DCTN5: variants seen among roughly 807,000 people sequenced by gnomAD.
DCTN5 encodes the protein dynactin 4.
A neutral mutation model predicts 23.5 loss-of-function variants in DCTN5; 14 were observed. The ratio of observed to expected loss-of-function variants is 0.60; its 90% CI spans 0.39 to 0.93. The LOEUF (loss-of-function observed/expected upper bound fraction) is 0.93. Ranked by LOEUF, DCTN5 falls within the 40% of genes least tolerant of loss-of-function variation. The pLI is 0.00. For synonymous variants in DCTN5, 67 were observed against 79.6 expected (o/e 0.84, Z 0.84); for missense variants, 156 against 225.9 (o/e 0.69, Z 1.98).
At chr16:23,662,833 C>T (rs1036277648) in intron 4 of DCTN5, among the ~76,000 whole-genome samples, 7 of 152,196 alleles carry the variant, frequency 4.6e-5, no homozygotes, top group South Asian at 2.1e-4. Flanking sequence ...ATAACCCTGT[C>T]GTTTATCCTC....
At chr16:23,661,100 A>G in intron 3 of DCTN5, 70 bp from the exon 4 acceptor site, 1 of 1,004,614 alleles carries the variant, frequency 1.0e-6, no homozygotes, top group Non-Finnish European at 1.5e-6. Context: ...TATGATCTGT[A>G]GTTCTATAAA....
intron 2 of DCTN5, among the ~76,000 whole-genome samples, chr16:23,645,157 G>A (rs181724823): frequency 1.7e-3 from 90 of 54,458 alleles, no homozygotes; most frequent in African/African-American, 5.8e-3. Context: ...TTTTTAATAC[G>A]CAGTTTTGCT....
At chr16:23,664,874 C>T (rs1967877141) in intron 4 of DCTN5, among the ~76,000 whole-genome samples, 1 of 152,206 alleles carries the variant, frequency 6.6e-6, no homozygotes, top group Admixed American at 6.5e-5. Context: ...CAACCTTAAG[C>T]TGGTGGATGT....
chr16:23,648,381 G>A (rs1054893540), intron 2 of DCTN5, among the ~76,000 whole-genome samples: 5 of 131,260 alleles, frequency 3.8e-5, no homozygotes, highest in South Asian at 4.6e-4. Context: ...ACACAGTCTC[G>A]CTGTGTCGCC....
rs1229298686 is a variant in DCTN5, at chr16:23,676,332, A to G, written c.*9188A>G. 1 of 152,228 alleles carries G rather than the reference A, an allele frequency of 6.6e-6. No homozygotes were observed. The highest frequency in any genetic ancestry group is 6.5e-5 in the Admixed American group (1 of 15,276). The allele number at this position is 152,228 out of a possible 1,614,324, so 9.4% of individuals were successfully genotyped here. A position where few individuals can be genotyped will look rare whatever the true frequency, so the allele number is the denominator to read the frequency against. ...GAGACCAGCCTGACCGACATGGTGA[A>G]AAGTAAAAATACAAAAATAAAAAAA... On this transcript the variant is annotated 3_prime_UTR_variant, in exon 6 of 6. Coordinates refer to ENST00000300087, the MANE Select transcript of DCTN5 (RefSeq NM_032486.4).
intron 2 of DCTN5, among the ~76,000 whole-genome samples, chr16:23,648,872 T>TG (rs140854821): frequency 2.0e-5 from 3 of 151,470 alleles, no homozygotes; most frequent in Non-Finnish European, 1.5e-5. Flanking sequence ...TTTGTTTGTT[T>TG]TTTGAGACAG....
chr16:23,665,838 C>A, intron 5 of DCTN5, 110 bp downstream of exon 5: 1 of 881,710 alleles, frequency 1.1e-6, no homozygotes, highest in Non-Finnish European at 1.8e-6. Context: ...GTTGATAGAG[C>A]TAACTTAGAA....
Position 23,671,532 on chromosome 16 carries a change from C to T in DCTN5, c.*4388C>T, listed in dbSNP as rs1251025938. The T allele has an allele frequency of 6.6e-6, 1 of 152,208 alleles. No individual in the cohort carries two copies. Among genetic ancestry groups the T allele is most frequent in the Non-Finnish European group, 1.5e-5 (1 of 68,034 alleles). 9.4% of individuals were successfully genotyped at this position (152,208 alleles called of 1,614,324 possible). On this transcript the variant is annotated 3_prime_UTR_variant, in exon 6 of 6. Coordinates refer to ENST00000300087, the MANE Select transcript of DCTN5 (RefSeq NM_032486.4). ...GTCAAAAAAGTGAGAGTTTCACAGC[C>T]TGTTTTACAGCAGAGGAAACTGATA... is the stretch of plus-strand genomic sequence containing the variant.
chr16:23,650,725 T>C, intron 2 of DCTN5: 1 of 1,530,100 alleles, frequency 6.5e-7, no homozygotes. Context: ...TTATGAACAA[T>C]CCATTTATAT....
intron 2 of DCTN5, among the ~76,000 whole-genome samples, chr16:23,654,336 A>G (rs1967660720): frequency 6.6e-6 from 1 of 152,220 alleles, no homozygotes; most frequent in African/African-American, 2.4e-5. Context: ...ATGAAATACA[A>G]TGCAGCCATA....
At chr16:23,645,102 TA>T (rs1567228283) in intron 2 of DCTN5, among the ~76,000 whole-genome samples, 1,458 of 30,310 alleles carry the variant, frequency 0.048, 126 homozygotes, top group Non-Finnish European at 0.064. Flanking sequence ...TATATATATA[TA>T]TATATATATA....
At chr16:23,664,401 A>G (rs1488379781) in intron 4 of DCTN5, among the ~76,000 whole-genome samples, 5 of 152,236 alleles carry the variant, frequency 3.3e-5, no homozygotes, top group Admixed American at 2.0e-4. Flanking sequence ...ATAATGGGGA[A>G]AAATTTAAAC....
Position 23,670,184 on chromosome 16 carries a change from A to T in DCTN5, c.*3040A>T, listed in dbSNP as rs1307986577. On this transcript the variant is annotated 3_prime_UTR_variant, in exon 6 of 6. Transcript: ENST00000300087. Reference sequence around the variant, plus strand: ...CTCAAGATAAGTCTCAGATTGCAGGATACCTGCTGCAGGGAACAAAGGTGA... The same window carrying T: ...CTCAAGATAAGTCTCAGATTGCAGGTTACCTGCTGCAGGGAACAAAGGTGA... 6.6e-6 allele frequency: 1 copy of T among 152,212 alleles called. No individual in the cohort carries two copies. Among genetic ancestry groups the T allele is most frequent in the East Asian group, 1.9e-4 (1 of 5,198 alleles). The allele number at this position is 152,212 out of a possible 1,614,324, so 9.4% of individuals were successfully genotyped here. A position where few individuals can be genotyped will look rare whatever the true frequency, so the allele number is the denominator to read the frequency against.
intron 1 of DCTN5, chr16:23,642,577 G>A (rs1967313532): frequency 5.8e-6 from 1 of 173,088 alleles, no homozygotes; most frequent in Non-Finnish European, 1.2e-5. Flanking sequence ...CGGCCTTCCA[G>A]GCTCAAGCGA....
At chr16:23,662,764 T>C (rs1401409306) in intron 4 of DCTN5, among the ~76,000 whole-genome samples, 1 of 152,222 alleles carries the variant, frequency 6.6e-6, no homozygotes, top group Non-Finnish European at 1.5e-5. Context: ...GCCTTCCAGC[T>C]GGGGGTTTCT....
chr16:23,656,043 G>A (rs997352650), intron 2 of DCTN5, among the ~76,000 whole-genome samples: 7 of 152,118 alleles, frequency 4.6e-5, no homozygotes, highest in Non-Finnish European at 7.3e-5. Flanking sequence ...GGGCAACATA[G>A]CAAGACCATG....
At chr16:23,647,594 A>G (rs8062026) in intron 2 of DCTN5, among the ~76,000 whole-genome samples, 9,546 of 150,854 alleles carry the variant, frequency 0.063, 629 homozygotes, top group African/African-American at 0.16. Context: ...TGCAGCCTCC[A>G]CTTCCCAGGT....
rs796259296 is a variant in DCTN5, at chr16:23,648,351, T to C, written c.117+5328T>C. Among the ~76,000 whole-genome samples the C allele has an allele frequency of 4.9e-3, 638 of 129,558 alleles. 1 individual carries two copies. The highest frequency in any genetic ancestry group is 7.2e-3 in the Non-Finnish European group (463 of 64,316). The allele number at this position is 129,558 out of a possible 152,430, so 85.0% of individuals were successfully genotyped here. On this transcript the variant is annotated intron_variant, in intron 2 of 5. Coordinates refer to ENST00000300087, the MANE Select transcript of DCTN5 (RefSeq NM_032486.4). ...AATTTTTTTTTCTTTTTTCTTTTTT[T>C]TTTTTTTTTTTTTTTAGAGACACAG... is the stretch of plus-strand genomic sequence containing the variant.
In DCTN5 at chr16:23,668,465, A is replaced by G. The variant is rs1289755669; in HGVS notation, c.*1321A>G. On this transcript the variant is annotated 3_prime_UTR_variant, in exon 6 of 6. Coordinates refer to ENST00000300087, the MANE Select transcript of DCTN5 (RefSeq NM_032486.4). ...GAAGTTTATTTCTCTCTCCCATAAC[A>G]GTGCAGTGATAGTCAGCTGGTCCAG... is the stretch of plus-strand genomic sequence containing the variant. The G allele has an allele frequency of 2.6e-5, 4 of 152,234 alleles. No homozygotes were observed. The highest frequency in any genetic ancestry group is 6.5e-5 in the Admixed American group (1 of 15,282). 9.4% of individuals were successfully genotyped at this position (152,234 alleles called of 1,614,324 possible).
Sources: gnomAD v4.1 joint callset for allele counts (sites outside exome capture counted in the v4.1 genomes callset) on GRCh38, gnomAD v4.1.1 for gene constraint, MANE v1.5 for transcripts, NCBI Gene and HGNC (gene_info 2026-07-23, HGNC 2026-07-21) for gene names.